Variants in PACRG observed in about 807,000 individuals in gnomAD.
PACRG encodes parkin coregulated gene protein.
In PACRG, 29 loss-of-function variants were observed where a neutral mutation model predicts 29.7. The ratio of observed to expected loss-of-function variants is 0.98; its 90% CI spans 0.73 to 1.33. The LOEUF (loss-of-function observed/expected upper bound fraction) is 1.33. Among genes scored for constraint, PACRG ranks in the 40% most tolerant of loss-of-function variants. PACRG has a pLI of 0.00. For synonymous variants in PACRG, 116 were observed against 118.7 expected (o/e 0.98, Z 0.15); for missense variants, 279 against 316.2 (o/e 0.88, Z 0.89).
intron 2 of PACRG, among the ~76,000 whole-genome samples, chr6:163,003,766 T>G (rs1381227364): frequency 6.6e-6 from 1 of 152,206 alleles, no homozygotes; most frequent in Admixed American, 6.5e-5. Flanking sequence ...TCTCTCTGCC[T>G]GCCACCAGGT....
At chr6:162,971,465 G>A (rs540838849) in intron 2 of PACRG, among the ~76,000 whole-genome samples, 4 of 152,256 alleles carry the variant, frequency 2.6e-5, no homozygotes, top group African/African-American at 9.6e-5. Flanking sequence ...CACCTTGGGA[G>A]GAAACCAGTC....
At chr6:163,282,377 C>G (rs1784250968) in intron 4 of PACRG, among the ~76,000 whole-genome samples, 1 of 152,108 alleles carries the variant, frequency 6.6e-6, no homozygotes, top group African/African-American at 2.4e-5. Flanking sequence ...CCAATTTACC[C>G]CCTACAAAAA....
intron 1 of PACRG, among the ~76,000 whole-genome samples, chr6:162,791,332 C>T (rs543399103): frequency 1.0e-4 from 10 of 95,286 alleles, no homozygotes; most frequent in Non-Finnish European, 1.3e-4. Flanking sequence ...TTTTGCTTTG[C>T]GCTAACTTTC....
intron 2 of PACRG, among the ~76,000 whole-genome samples, chr6:162,815,343 G>A (rs776890526): frequency 8.6e-5 from 13 of 150,804 alleles, no homozygotes; most frequent in Non-Finnish European, 1.6e-4. Context: ...GCTTAAAAAG[G>A]TGCATTAAAA....
chr6:163,071,022 T>C, intron 3 of PACRG, among the ~76,000 whole-genome samples: 1 of 152,008 alleles, frequency 6.6e-6, no homozygotes, highest in Non-Finnish European at 1.5e-5. Context: ...AAGCACCCAA[T>C]ACTGGAGCAC....
At chr6:163,005,371 A>T (rs1804968317) in intron 2 of PACRG, among the ~76,000 whole-genome samples, 1 of 151,336 alleles carries the variant, frequency 6.6e-6, no homozygotes, top group Admixed American at 6.6e-5. Flanking sequence ...TCTTTTACTC[A>T]TTTCTTAAGG....
chr6:163,161,227 T>C (rs575759068), intron 4 of PACRG, among the ~76,000 whole-genome samples: 1 of 152,314 alleles, frequency 6.6e-6, no homozygotes, highest in East Asian at 1.9e-4. Context: ...GTCTCCACTT[T>C]GTCATTACTC....
intron 4 of PACRG, among the ~76,000 whole-genome samples, chr6:163,099,888 C>T (rs961623012): frequency 3.3e-5 from 5 of 152,146 alleles, no homozygotes; most frequent in Admixed American, 6.5e-5. Context: ...CTCCTTGAGT[C>T]GCACGTGCTC....
chr6:163,131,523 G>A (rs920995691), intron 4 of PACRG, among the ~76,000 whole-genome samples: 17 of 152,116 alleles, frequency 1.1e-4, no homozygotes, highest in African/African-American at 3.6e-4. Flanking sequence ...TTCTCTTAAA[G>A]CCGTCAGAAA....
At position 163,290,736 on chromosome 6, in the gene PACRG, G is replaced by GCTATTACT. The variant is rs1784571272; in HGVS notation, c.614-24090_614-24083dup. Among the ~76,000 whole-genome samples the GCTATTACT allele has an allele frequency of 1.3e-5, 2 of 152,190 alleles. 1 individual carries two copies. Among genetic ancestry groups the GCTATTACT allele is most frequent in the South Asian group, 4.1e-4 (2 of 4,830 alleles). ...AATATTCAACGGTGTTAGCACTGTC[G>GCTATTACT]CTATTACTGTGTCATGACTCAATGG... On this transcript the variant is annotated intron_variant, in intron 4 of 4. Transcript: ENST00000366888.
chr6:162,938,915 T>C (rs1798423410), intron 2 of PACRG, among the ~76,000 whole-genome samples: 1 of 152,184 alleles, frequency 6.6e-6, no homozygotes, highest in Non-Finnish European at 1.5e-5. Flanking sequence ...TTTTGTCAGA[T>C]GTATAGATTG....
intron 1 of PACRG, among the ~76,000 whole-genome samples, chr6:162,733,285 A>G (rs1779914006): frequency 6.6e-6 from 1 of 152,164 alleles, no homozygotes; most frequent in Non-Finnish European, 1.5e-5. Flanking sequence ...ACTTTGTATT[A>G]TGGTCATTTC....
chr6:162,886,358 C>A (rs886090906), intron 2 of PACRG, among the ~76,000 whole-genome samples: 1 of 152,190 alleles, frequency 6.6e-6, no homozygotes, highest in Non-Finnish European at 1.5e-5. Flanking sequence ...CCATCTCCTT[C>A]CTCCTGGGCC....
At chr6:163,070,390 A>G (rs1399941693) in intron 3 of PACRG, among the ~76,000 whole-genome samples, 2 of 152,114 alleles carry the variant, frequency 1.3e-5, no homozygotes. Flanking sequence ...AATAGAAAAA[A>G]AAGTTAAAAA....
At chr6:162,947,349 A>ATATATAT (rs1491156729) in intron 2 of PACRG, among the ~76,000 whole-genome samples, 13 of 41,762 alleles carry the variant, frequency 3.1e-4, no homozygotes, top group East Asian at 2.0e-3. Flanking sequence ...TATAATGATT[A>ATATATAT]CATATATATA....
intron 1 of PACRG, among the ~76,000 whole-genome samples, chr6:162,744,568 C>T (rs2128267822): frequency 6.6e-6 from 1 of 152,218 alleles, no homozygotes; most frequent in South Asian, 2.1e-4. Flanking sequence ...ACTCCAGCCT[C>T]AGTGACACAG....
At chr6:162,751,232 A>G (rs1326266805) in intron 1 of PACRG, among the ~76,000 whole-genome samples, 1 of 152,080 alleles carries the variant, frequency 6.6e-6, no homozygotes, top group Non-Finnish European at 1.5e-5. Context: ...TTTCTGTTAT[A>G]ATGAGTGAGG....
At chr6:162,751,743 G>A (rs796569652) in intron 1 of PACRG, among the ~76,000 whole-genome samples, 2 of 152,264 alleles carry the variant, frequency 1.3e-5, no homozygotes, top group African/African-American at 2.4e-5. Context: ...CTGGAAGAGT[G>A]TATTGCTGGT....
At chr6:163,296,133 T>A (rs752054048) in intron 4 of PACRG, among the ~76,000 whole-genome samples, 1 of 152,232 alleles carries the variant, frequency 6.6e-6, no homozygotes, top group Non-Finnish European at 1.5e-5. Flanking sequence ...CAAAGTCTAT[T>A]TCTTGCCAAA....
Sources: gnomAD v4.1 joint callset for allele counts (sites outside exome capture counted in the v4.1 genomes callset) on GRCh38, gnomAD v4.1.1 for gene constraint, MANE v1.5 for transcripts, NCBI Gene and HGNC (gene_info 2026-07-23, HGNC 2026-07-21) for gene names.